Variants in DOK6 observed in about 807,000 individuals in gnomAD.
DOK6 encodes the protein downstream of tyrosine kinase 6.
Under a neutral mutation model 44.0 loss-of-function variants are expected in DOK6, and 22 were observed. The observed-to-expected ratio is 0.50, with a 90% CI of 0.36 to 0.71. The LOEUF (loss-of-function observed/expected upper bound fraction) is 0.71. Ranked by LOEUF, DOK6 falls within the 30% of genes least tolerant of loss-of-function variation. The pLI, the probability that DOK6 is intolerant of heterozygous loss-of-function variation, is 0.00. For missense variants in DOK6, 340 were observed against 416.4 expected (o/e 0.82, Z 1.60); for synonymous variants, 166 against 145.5 (o/e 1.14, Z -1.01).
intron 3 of DOK6, among the ~76,000 whole-genome samples, chr18:69,664,853 G>A (rs1985616029): frequency 6.6e-6 from 1 of 152,180 alleles, no homozygotes; most frequent in Admixed American, 6.5e-5. Context: ...CACCAAGCAT[G>A]CTTCTGCTCA....
At chr18:69,516,596 T>A (rs1365146252) in intron 1 of DOK6, among the ~76,000 whole-genome samples, 6 of 152,232 alleles carry the variant, frequency 3.9e-5, no homozygotes, top group South Asian at 4.1e-4. Context: ...CTTTTTATTA[T>A]GGAACAATAT....
chr18:69,584,701 T>C (rs748133217), intron 2 of DOK6, among the ~76,000 whole-genome samples: 18 of 152,244 alleles, frequency 1.2e-4, no homozygotes, highest in Non-Finnish European at 2.5e-4. Flanking sequence ...GTCCCCTAAA[T>C]GTTTGGTAAA....
At chr18:69,742,414 CAAAA>C (rs755723043) in intron 6 of DOK6, among the ~76,000 whole-genome samples, 2 of 120,468 alleles carry the variant, frequency 1.7e-5, no homozygotes, top group Non-Finnish European at 3.4e-5. Flanking sequence ...AACTCCATCT[CAAAA>C]AAAAAAAAAA....
chr18:69,630,890 G>A (rs1023405760), intron 3 of DOK6, among the ~76,000 whole-genome samples: 4 of 152,026 alleles, frequency 2.6e-5, no homozygotes, highest in African/African-American at 9.7e-5. Flanking sequence ...TCTTAAGATA[G>A]CTACTTCAGG....
At chr18:69,746,431 G>C (rs561167664) in intron 6 of DOK6, among the ~76,000 whole-genome samples, 2 of 151,996 alleles carry the variant, frequency 1.3e-5, no homozygotes, top group Admixed American at 6.6e-5. Flanking sequence ...CTAATTTTTT[G>C]TATTTTAGTA....
intron 7 of DOK6, among the ~76,000 whole-genome samples, chr18:69,761,420 G>C (rs942907705): frequency 1.3e-5 from 2 of 152,168 alleles, no homozygotes; most frequent in African/African-American, 2.4e-5. Flanking sequence ...TGTTGGGAGT[G>C]GGGCTTCTCT....
intron 6 of DOK6, among the ~76,000 whole-genome samples, chr18:69,748,055 AC>A (rs1979045808): frequency 1.3e-5 from 2 of 152,330 alleles, no homozygotes; most frequent in South Asian, 4.1e-4. Flanking sequence ...AGGAAAATTT[AC>A]CAAGCAAATT....
chr18:69,436,628 A>C (rs1301313036), intron 1 of DOK6, among the ~76,000 whole-genome samples: 1 of 152,116 alleles, frequency 6.6e-6, no homozygotes, highest in Non-Finnish European at 1.5e-5. Context: ...ATATGTATGC[A>C]TGTGTCTTTA....
intron 3 of DOK6, among the ~76,000 whole-genome samples, chr18:69,617,471 G>C (rs1480616011): frequency 7.2e-5 from 10 of 137,960 alleles, no homozygotes; most frequent in Non-Finnish European, 1.6e-4. Flanking sequence ...GAAGGAAAAA[G>C]ACAGCAATAG....
chr18:69,762,153 A>ATG (rs2144758797), intron 7 of DOK6, among the ~76,000 whole-genome samples: 1 of 105,636 alleles, frequency 9.5e-6, no homozygotes, highest in South Asian at 2.9e-4. Flanking sequence ...CTGCATGCAT[A>ATG]CATACATACA....
Position 69,757,829 on chromosome 18 carries a change from A to C in DOK6, c.812A>C (p.His271Pro), listed in dbSNP as rs771318794. Reference sequence around the variant, plus strand: ...CTTCCTCGCAGCGCGTACTGGCATCACATCACTCGTCAGAACAGCGTTGGT... The same window carrying C: ...CTTCCTCGCAGCGCGTACTGGCATCCCATCACTCGTCAGAACAGCGTTGGT... ...ISLPRSAYWH[H>P]ITRQNSVGEI... Residue 271 changes from histidine to proline, a missense_variant, in exon 7 of 8, where the codon CAC becomes CCC. Around this residue, in one of 3 missense-constraint regions of DOK6, gnomAD observed 112 missense variants for 109.3 expected, o/e 1.02. Transcript: ENST00000382713. The C allele has an allele frequency of 1.3e-5, 21 of 1,614,180 alleles. No homozygotes were observed. Among genetic ancestry groups the C allele is most frequent in the Non-Finnish European group, 1.4e-5 (16 of 1,180,004 alleles).
chr18:69,599,626 C>A, intron 3 of DOK6, 128 bp downstream of exon 3: 1 of 645,014 alleles, frequency 1.6e-6, no homozygotes, highest in Non-Finnish European at 2.6e-6. Context: ...TAGAAGACTT[C>A]GTTCAGAAGC....
chr18:69,752,011 A>G (rs1036566880), intron 6 of DOK6, among the ~76,000 whole-genome samples: 1 of 151,988 alleles, frequency 6.6e-6, no homozygotes, highest in Non-Finnish European at 1.5e-5. Context: ...AACAAATACA[A>G]TTTTAATTAA....
In DOK6 at chr18:69,631,846, T is replaced by C. The variant is rs3809952; in HGVS notation, c.289+32348T>C. ...ATCCTCTAGATTTCACAAACCTGTT[T>C]CCTGAAAATACATTTGTTTATGTAA... is the stretch of plus-strand genomic sequence containing the variant. On this transcript the variant is annotated intron_variant, in intron 3 of 7. Transcript: ENST00000382713. Among the ~76,000 whole-genome samples, 154 of 152,362 alleles carry C rather than the reference T, an allele frequency of 1.0e-3. 1 individual carries two copies. The South Asian group carries it at 0.022, about 21-fold the overall frequency.
At chr18:69,618,713 G>A (rs745659478) in intron 3 of DOK6, 3 of 152,066 alleles carry the variant, frequency 2.0e-5, no homozygotes, top group Admixed American at 2.0e-4. Context: ...CAGTATGGGG[G>A]AAACTGCCCT....
chr18:69,716,875 G>A (rs997554652), intron 5 of DOK6, among the ~76,000 whole-genome samples: 4 of 152,090 alleles, frequency 2.6e-5, no homozygotes, highest in African/African-American at 9.7e-5. Flanking sequence ...ACTCCACCCA[G>A]CACCTGAGTA....
At chr18:69,519,088 A>T (rs1243092618) in intron 1 of DOK6, among the ~76,000 whole-genome samples, 1 of 152,078 alleles carries the variant, frequency 6.6e-6, no homozygotes, top group Non-Finnish European at 1.5e-5. Flanking sequence ...TTTTCCTAAT[A>T]TTAAAAATAA....
intron 3 of DOK6, among the ~76,000 whole-genome samples, chr18:69,675,479 G>A (rs567194637): frequency 2.2e-4 from 34 of 152,014 alleles, no homozygotes; most frequent in Non-Finnish European, 4.1e-4. Flanking sequence ...TTTTAATTGC[G>A]TGTGACTTTA....
intron 1 of DOK6, among the ~76,000 whole-genome samples, chr18:69,544,094 TA>T (rs34430095): frequency 0.14 from 19,905 of 141,960 alleles, 2,038 homozygotes; most frequent in Non-Finnish European, 0.2. Flanking sequence ...CTGTCTCTAC[TA>T]AAAAAAAAAA....
Sources: allele counts gnomAD v4.1 joint callset (sites outside exome capture counted in the v4.1 genomes callset), GRCh38; gene constraint gnomAD v4.1.1; regional missense constraint gnomAD v4.1.1; transcripts MANE v1.5; gene names NCBI Gene and HGNC (gene_info 2026-07-23, HGNC 2026-07-21).